HTR1E: variants seen among roughly 807,000 people sequenced by gnomAD.
HTR1E encodes 5-hydroxytryptamine receptor 1E, also known as 5-HT-1E.
A neutral mutation model predicts 3.4 loss-of-function variants in HTR1E; 3 were observed. The observed-to-expected ratio is 0.89, with a 90% CI of 0.41 to 2.31. HTR1E has a LOEUF of 2.31. Ranked by LOEUF, HTR1E falls within the 30% of genes most tolerant of loss-of-function variation. The pLI is 0.05. For synonymous variants in HTR1E, 170 were observed against 182.8 expected, an observed-to-expected ratio of 0.93 and a Z score of 0.56; for missense variants, 392 against 467.0, an observed-to-expected ratio of 0.84 and a Z score of 1.48.
rs140086270 is a variant in HTR1E at position 86,998,053 on chromosome 6, G to A, written c.-185-17097G>A. On this transcript the variant is annotated intron_variant, in intron 1 of 1. Coordinates refer to ENST00000305344, the MANE Select transcript of HTR1E (RefSeq NM_000865.3). ...ATTCATCAAAAAAAATCTTAAATGT[G>A]TATGTATATATCTAATGACAGAACT... Among the ~76,000 whole-genome samples, 607 of 152,016 alleles carry A rather than the reference G, an allele frequency of 4.0e-3. 2 individuals carry two copies. Among genetic ancestry groups the A allele is most frequent in the Non-Finnish European group, 5.0e-3 (337 of 67,862 alleles).
chr6:87,010,050 A>C (rs566218026), intron 1 of HTR1E, among the ~76,000 whole-genome samples: 3 of 47,344 alleles, frequency 6.3e-5, no homozygotes, highest in Admixed American at 2.3e-4. Context: ...GTGGCTGGCC[A>C]GGCGGGGGGC....
chr6:86,972,303 T>C (rs570554779), intron 1 of HTR1E, among the ~76,000 whole-genome samples: 6 of 152,306 alleles, frequency 3.9e-5, no homozygotes, highest in African/African-American at 1.4e-4. Flanking sequence ...CTTACATTCT[T>C]AGCTATGCAG....
chr6:86,952,093 A>T (rs1767252923), intron 1 of HTR1E, among the ~76,000 whole-genome samples: 1 of 152,108 alleles, frequency 6.6e-6, no homozygotes, highest in African/African-American at 2.4e-5. Flanking sequence ...ATTTGGTGAA[A>T]CTCAAGAGCT....
chr6:87,010,440 CG>C (rs1768201448), intron 1 of HTR1E, among the ~76,000 whole-genome samples: 1 of 149,878 alleles, frequency 6.7e-6, no homozygotes, highest in Non-Finnish European at 1.5e-5. Context: ...TAGGGGCGAC[CG>C]GGCAGAGACG....
chr6:86,997,700 A>T (rs1010059901), intron 1 of HTR1E, among the ~76,000 whole-genome samples: 2 of 151,848 alleles, frequency 1.3e-5, no homozygotes, highest in Admixed American at 6.6e-5. Context: ...AAAGGCTTGG[A>T]CAAATAGAAA....
chr6:86,946,044 A>G (rs1267251421), intron 1 of HTR1E, among the ~76,000 whole-genome samples: 1 of 152,124 alleles, frequency 6.6e-6, no homozygotes. Context: ...CGGCCTAATT[A>G]AAAAGTTTAT....
chr6:86,977,809 T>C (rs1339202426), intron 1 of HTR1E, among the ~76,000 whole-genome samples: 2 of 152,234 alleles, frequency 1.3e-5, no homozygotes, highest in African/African-American at 4.8e-5. Flanking sequence ...CTCTGATGAT[T>C]AGTGATGTGG....
At position 86,957,659 on chromosome 6, in the gene HTR1E, T is replaced by A. The variant is rs146515212; in HGVS notation, c.-186+19836T>A. Among the ~76,000 whole-genome samples, 1,093 of 152,358 alleles carry A rather than the reference T, an allele frequency of 7.2e-3. 14 individuals carry two copies. Among genetic ancestry groups the A allele is most frequent in the African/African-American group, 0.025 (1,026 of 41,574 alleles). ...TATCTTCTGAATCAATGTATCTGAATGTTTAATATTTTCCATTTGTTTTAC... is the reference window on the plus strand; with the variant it reads ...TATCTTCTGAATCAATGTATCTGAAAGTTTAATATTTTCCATTTGTTTTAC... On this transcript the variant is annotated intron_variant, in intron 1 of 1. Transcript: ENST00000305344.
intron 1 of HTR1E, among the ~76,000 whole-genome samples, chr6:86,960,873 A>G (rs1293617822): frequency 6.6e-6 from 1 of 152,316 alleles, no homozygotes; most frequent in East Asian, 1.9e-4. Flanking sequence ...GCTTTCAAAT[A>G]TCTGCTACTA....
intron 1 of HTR1E, among the ~76,000 whole-genome samples, chr6:86,983,434 A>G (rs551031848): frequency 2.0e-5 from 3 of 152,330 alleles, no homozygotes; most frequent in African/African-American, 7.2e-5. Flanking sequence ...AAAGATGTTG[A>G]GGAAAATGTG....
At chr6:86,974,406 T>G (rs931737949) in intron 1 of HTR1E, among the ~76,000 whole-genome samples, 1 of 152,204 alleles carries the variant, frequency 6.6e-6, no homozygotes, top group Non-Finnish European at 1.5e-5. Flanking sequence ...TATCATCTCT[T>G]TAATCTCATT....
chr6:87,011,252 A>C (rs1239884243), intron 1 of HTR1E, among the ~76,000 whole-genome samples: 1 of 152,222 alleles, frequency 6.6e-6, no homozygotes, highest in African/African-American at 2.4e-5. Context: ...GGCCATGTGC[A>C]AAACAGAAAC....
chr6:86,943,191 A>G (rs73497534), intron 1 of HTR1E, among the ~76,000 whole-genome samples: 4,396 of 152,280 alleles, frequency 0.029, 139 homozygotes, highest in East Asian at 0.14. Context: ...GTTTAGTAAA[A>G]TGAGTCTGAA....
Position 86,955,777 on chromosome 6 carries a change from A to C in HTR1E, c.-186+17954A>C, listed in dbSNP as rs1173375146. ...GTGTGTTCCAAAGGAAACGTATTTT[A>C]AAATGAAATACATTTTAACATATGG... is the stretch of plus-strand genomic sequence containing the variant. On this transcript the variant is annotated intron_variant, in intron 1 of 1. Coordinates refer to ENST00000305344, the MANE Select transcript of HTR1E (RefSeq NM_000865.3). Among the ~76,000 whole-genome samples, 5 of 152,126 alleles carry C rather than the reference A, an allele frequency of 3.3e-5. No individual in the cohort carries two copies. In the East Asian group the frequency reaches 7.7e-4, roughly 23 times the overall value.
intron 1 of HTR1E, among the ~76,000 whole-genome samples, chr6:86,973,572 A>C (rs1767591007): frequency 6.6e-6 from 1 of 152,148 alleles, no homozygotes; most frequent in Non-Finnish European, 1.5e-5. Flanking sequence ...CGCCCCAAAT[A>C]CATATGTTCT....
chr6:86,940,294 A>G (rs1258998290), intron 1 of HTR1E, among the ~76,000 whole-genome samples: 1 of 152,020 alleles, frequency 6.6e-6, no homozygotes, highest in African/African-American at 2.4e-5. Context: ...CCAACACTTT[A>G]GGAGGCCAAG....
chr6:87,009,838 C>A (rs1296915335), intron 1 of HTR1E, among the ~76,000 whole-genome samples: 7 of 106,424 alleles, frequency 6.6e-5, no homozygotes, highest in Non-Finnish European at 1.1e-4. Context: ...GGGGACTGAC[C>A]CCCCCCCACC....
Position 86,992,825 on chromosome 6 carries a change from T to C in HTR1E, c.-185-22325T>C, listed in dbSNP as rs137937357. On this transcript the variant is annotated intron_variant, in intron 1 of 1. Transcript: ENST00000305344. Reference sequence around the variant, plus strand: ...GATTAAGTAACTTACCCAAGGAGAATTGATGTGTTACTTAAGTAATATTAG... The same window carrying C: ...GATTAAGTAACTTACCCAAGGAGAACTGATGTGTTACTTAAGTAATATTAG... Among the ~76,000 whole-genome samples, 348 of 152,306 alleles carry C rather than the reference T, an allele frequency of 2.3e-3. 5 individuals are homozygous for C. The highest frequency in any genetic ancestry group is 8.1e-3 in the African/African-American group (336 of 41,570).
intron 1 of HTR1E, among the ~76,000 whole-genome samples, chr6:86,938,842 T>C (rs987025199): frequency 1.3e-5 from 2 of 152,204 alleles, no homozygotes; most frequent in South Asian, 4.1e-4. Context: ...CTCTAAGCAG[T>C]ACATCGTCCT....
Sources: gnomAD v4.1 joint callset for allele counts (sites outside exome capture counted in the v4.1 genomes callset) on GRCh38, gnomAD v4.1.1 for gene constraint, MANE v1.5 for transcripts, NCBI Gene and HGNC (gene_info 2026-07-23, HGNC 2026-07-21) for gene names.